The following HCN3 variants were observed in gnomAD, a reference collection of about 807,000 sequenced individuals.
The protein encoded by HCN3 is potassium/sodium hyperpolarization-activated cyclic nucleotide-gated channel 3.
HCN3 carries 36 observed loss-of-function variants against 56.8 expected under a neutral mutation model. That is an observed-to-expected ratio of 0.63 (90% CI 0.49 to 0.84). The LOEUF is 0.84. Ranked by LOEUF, HCN3 falls within the 40% of genes least tolerant of loss-of-function variation. HCN3 has a pLI of 0.00. For missense variants in HCN3, 930 were observed against 1,079.3 expected, an observed-to-expected ratio of 0.86 and a Z score of 1.94; for synonymous variants, 425 against 439.7, an observed-to-expected ratio of 0.97 and a Z score of 0.42.
In HCN3 at chr1:155,288,010, G is replaced by C. The variant is rs1674365820; in HGVS notation, c.1872G>C (p.Leu624=). The change falls in exon 8 of 8, where the codon CTG becomes CTC. Residue 624 remains leucine, a synonymous_variant. Transcript: ENST00000368358. This position sits in a 1 kb window ranked among gnomAD's most constrained non-coding sequence, Gnocchi z 6.5. ...TGACCTCCAATGTGGCCATTGCCCT[G>C]ACTCATCAGCGGGGCCCTCTGCCCC... The part of the protein sequence containing the change: ...AAVTSNVAIA[L]THQRGPLPLS... The C allele has an allele frequency of 6.2e-7, 1 of 1,613,908 alleles. No homozygotes were observed. The highest frequency in any genetic ancestry group is 1.3e-5 in the African/African-American group (1 of 74,892).
intron 7 of HCN3, 65 bp downstream of exon 7, chr1:155,287,402 G>A: frequency 6.3e-7 from 1 of 1,588,156 alleles, no homozygotes; most frequent in Non-Finnish European, 8.6e-7. Context: ...TCCAAAGCAA[G>A]GAGCCCAGGC....
rs370942048 is a variant in HCN3, at chr1:155,287,350, C to T, written c.1642+13C>T. 3 of 1,613,416 alleles carry T rather than the reference C, an allele frequency of 1.9e-6. No individual in the cohort carries two copies. The highest frequency in any genetic ancestry group is 1.3e-5 in the African/African-American group (1 of 74,992). ...CTGCTCCGCATCGGTGAGACCTGTC[C>T]ACCCCATCTGCTCTGGGTCCAGACT... On this transcript the variant is annotated intron_variant, in intron 7 of 7. Coordinates refer to ENST00000368358, the MANE Select transcript of HCN3 (RefSeq NM_020897.3).
chr1:155,286,115 G>A (rs11264353), intron 6 of HCN3, 151 bp downstream of exon 6: 5 of 1,119,286 alleles, frequency 4.5e-6, no homozygotes, highest in Non-Finnish European at 6.3e-6. Context: ...TCTGGGCTGG[G>A]GTCTGGAGCT....
Position 155,282,867 on chromosome 1 carries a change from C to A in HCN3, c.708+27C>A. 9.9e-7 allele frequency: 1 copy of A among 1,011,172 alleles called. No homozygotes were observed. The highest frequency in any genetic ancestry group is 1.3e-6 in the Non-Finnish European group (1 of 788,384). 62.6% of individuals were successfully genotyped at this position (1,011,172 alleles called of 1,614,324 possible). A position where few individuals can be genotyped will look rare whatever the true frequency, so the allele number is the denominator to read the frequency against. ...TGGGGTGGGGAGATGGCGGGCGGGGCAGTGGGTGGGGGATGTTGGGGGAGA... is the reference window on the plus strand; with the variant it reads ...TGGGGTGGGGAGATGGCGGGCGGGGAAGTGGGTGGGGGATGTTGGGGGAGA... On this transcript the variant is annotated intron_variant, in intron 2 of 7. Coordinates refer to ENST00000368358, the MANE Select transcript of HCN3 (RefSeq NM_020897.3). This position sits in a 1 kb window ranked among gnomAD's most constrained non-coding sequence, Gnocchi z 4.7.
intron 1 of HCN3, 74 bp downstream of exon 1, chr1:155,277,942 C>T (rs904783257): frequency 3.3e-6 from 5 of 1,516,914 alleles, no homozygotes; most frequent in East Asian, 2.4e-5. Context: ...GGACCCGGCC[C>T]GCCCCACCCT....
Position 155,288,055 on chromosome 1 carries a change from C to T in HCN3, c.1917C>T (p.Ala639=). 6.2e-7 allele frequency: 1 copy of T among 1,613,620 alleles called. No individual in the cohort carries two copies. The change falls in exon 8 of 8, where the codon GCC becomes GCT. Residue 639 remains alanine, a synonymous_variant. Transcript: ENST00000368358. The surrounding 1 kb of genome is among the most constrained non-coding windows in gnomAD (Gnocchi z 6.5). The part of the protein sequence containing the change: ...GPLPLSPDSP[A]TLLARSAWRS... ...TGCCCCTCTCCCCTGACTCTCCAGC[C>T]ACCCTCCTTGCTCGCTCTGCTTGGC... is the stretch of plus-strand genomic sequence containing the variant.
Position 155,285,797 on chromosome 1 carries a change from T to G in HCN3, c.1310T>G (p.Val437Gly), listed in dbSNP as rs1308889940. Reference protein sequence around the residue: ...PLFAHADPSFVTAVLTKLRFE... With the variant: ...PLFAHADPSFGTAVLTKLRFE... Reference sequence around the variant, plus strand: ...TTTGCCCATGCCGACCCCAGCTTCGTCACTGCAGTTCTCACCAAGCTGCGC... The same window carrying G: ...TTTGCCCATGCCGACCCCAGCTTCGGCACTGCAGTTCTCACCAAGCTGCGC... The change falls in exon 6 of 8, where the codon GTC becomes GGC. Residue 437 changes from valine (V) to glycine (G), a missense_variant. Physicochemically the swap from Val to Gly is moderately radical, Grantham distance 109. Coordinates refer to ENST00000368358, the MANE Select transcript of HCN3 (RefSeq NM_020897.3). This position sits in a 1 kb window ranked among gnomAD's most constrained non-coding sequence, Gnocchi z 4.5. 1.9e-6 allele frequency: 3 copies of G among 1,614,140 alleles called. No individual in the cohort carries two copies. The highest frequency in any genetic ancestry group is 2.5e-6 in the Non-Finnish European group (3 of 1,180,006).
intron 2 of HCN3, among the ~76,000 whole-genome samples, chr1:155,283,551 C>G (rs1674158148): frequency 8.7e-6 from 1 of 115,196 alleles, no homozygotes; most frequent in Non-Finnish European, 1.7e-5. Context: ...TGCTATCCCT[C>G]CCCCCTCCCC....
Position 155,282,871 on chromosome 1 carries a change from G to T in HCN3, c.708+31G>T. ...GTGGGGAGATGGCGGGCGGGGCAGT[G>T]GGTGGGGGATGTTGGGGGAGAAGGG... On this transcript the variant is annotated intron_variant, in intron 2 of 7. Transcript: ENST00000368358. This position sits in a 1 kb window ranked among gnomAD's most constrained non-coding sequence, Gnocchi z 4.7. 1 of 1,533,820 alleles carries T rather than the reference G, an allele frequency of 6.5e-7. No individual in the cohort carries two copies.
chr1:155,288,576 G>A lies in HCN3; in HGVS notation c.*113G>A, dbSNP rs1674400960. ...TGAAACATTGCCCCATGGAAATGTC[G>A]ACCCTGTGCGGACATTCCGCATACT... On this transcript the variant is annotated 3_prime_UTR_variant, in exon 8 of 8. Transcript: ENST00000368358. This position sits in a 1 kb window ranked among gnomAD's most constrained non-coding sequence, Gnocchi z 6.5. 2.2e-6 allele frequency: 3 copies of A among 1,353,296 alleles called. No individual in the cohort carries two copies. The highest frequency in any genetic ancestry group is 3.0e-6 in the Non-Finnish European group (3 of 997,424). The allele number at this position is 1,353,296 out of a possible 1,614,324, so 83.8% of individuals were successfully genotyped here.
At chr1:155,278,200 C>G (rs1408577191) in intron 1 of HCN3, among the ~76,000 whole-genome samples, 1 of 152,210 alleles carries the variant, frequency 6.6e-6, no homozygotes, top group African/African-American at 2.4e-5. Context: ...CTGCCTCCTC[C>G]AGTCCTGCTT....
rs1036618584 is a variant in HCN3, at chr1:155,287,922, A to C, written c.1784A>C (p.Gln595Pro). 5.6e-6 allele frequency: 9 copies of C among 1,613,878 alleles called. No individual in the cohort carries two copies. In the African/African-American group the frequency reaches 1.1e-4, roughly 19 times the overall value. ...VRGRAPSTGA[Q>P]LSGKPVLWEP... ...GGTCGGGCCCCGAGCACAGGAGCTCAGCTTAGTGGAAAGCCAGTACTGTGG... is the reference window on the plus strand; with the variant it reads ...GGTCGGGCCCCGAGCACAGGAGCTCCGCTTAGTGGAAAGCCAGTACTGTGG... The change falls in exon 8 of 8, where the codon CAG (glutamine) becomes CCG (proline). Residue 595 changes from glutamine (Q) to proline (P), a missense_variant. Coordinates refer to ENST00000368358, the MANE Select transcript of HCN3 (RefSeq NM_020897.3).
At position 155,277,616 on chromosome 1, in the gene HCN3, C is replaced by CG; in HGVS notation, c.31dup (p.Ala11GlyfsTer33). The CG allele has an allele frequency of 3.2e-6, 5 of 1,555,734 alleles. No homozygotes were observed. The highest frequency in any genetic ancestry group is 4.3e-6 in the Non-Finnish European group (5 of 1,150,848). On this transcript the variant is annotated frameshift_variant, in exon 1 of 8. Coordinates refer to ENST00000368358, the MANE Select transcript of HCN3 (RefSeq NM_020897.3). LOFTEE classifies it high-confidence loss of function. ...ATGGAGGCAGAGCAGCGGCCGGCGG[C>CG]GGGGGCCAGCGAAGGGGCGACCCCT...
Position 155,284,452 on chromosome 1 carries a change from A to G in HCN3, c.871-87A>G. The G allele has an allele frequency of 1.4e-6, 2 of 1,388,228 alleles. No individual in the cohort carries two copies. Among genetic ancestry groups the G allele is most frequent in the South Asian group, 2.7e-5 (2 of 73,904 alleles). 86.0% of individuals were successfully genotyped at this position (1,388,228 alleles called of 1,614,324 possible). A position where few individuals can be genotyped will look rare whatever the true frequency, so the allele number is the denominator to read the frequency against. On this transcript the variant is annotated intron_variant, in intron 3 of 7. Transcript: ENST00000368358. The surrounding 1 kb of genome is among the most constrained non-coding windows in gnomAD (Gnocchi z 4.3). ...AAGGCCTGCAGTAGAAGGGGCAGACAGAAAGACCAAAGAAGGAAAAGGGGC... is the reference window on the plus strand; with the variant it reads ...AAGGCCTGCAGTAGAAGGGGCAGACGGAAAGACCAAAGAAGGAAAAGGGGC...
At position 155,288,112 on chromosome 1, in the gene HCN3, G is replaced by T. The variant is rs762684203; in HGVS notation, c.1974G>T (p.Val658=). Residue 658 remains valine, a synonymous_variant, in exon 8 of 8, where the codon GTG becomes GTT. Transcript: ENST00000368358. The surrounding 1 kb of genome is among the most constrained non-coding windows in gnomAD (Gnocchi z 6.5). ...RSAGSPASPL[V]PVRAGPWAST... is the part of the protein sequence containing the mutation. ...CAGGCTCTCCAGCTTCCCCGCTGGT[G>T]CCCGTCCGAGCTGGCCCATGGGCAT... is the stretch of plus-strand genomic sequence containing the variant. 2.5e-6 allele frequency: 4 copies of T among 1,603,856 alleles called. No homozygotes were observed. Among genetic ancestry groups the T allele is most frequent in the African/African-American group, 2.7e-5 (2 of 74,562 alleles).
chr1:155,283,696 ATTTG>A (rs969056394), intron 2 of HCN3, among the ~76,000 whole-genome samples: 22 of 151,838 alleles, frequency 1.4e-4, no homozygotes, highest in African/African-American at 5.3e-4. Context: ...TGTGCAATAG[ATTTG>A]TTTGATTCTC....
rs901760479 is a variant in HCN3, at chr1:155,282,184, G to A, written c.279-227G>A. ...TTTTCCTTGGATGTGTCTATACGTA[G>A]GAATGGGATTGCTGAGTTGCAGGGA... On this transcript the variant is annotated intron_variant, in intron 1 of 7. Transcript: ENST00000368358. The surrounding 1 kb of genome is among the most constrained non-coding windows in gnomAD (Gnocchi z 4.7). 6.6e-6 allele frequency among the ~76,000 whole-genome samples: 1 copy of A among 152,150 alleles called. No individual in the cohort carries two copies. Among genetic ancestry groups the A allele is most frequent in the African/African-American group, 2.4e-5 (1 of 41,424 alleles).
rs139768739 is a variant in HCN3 at position 155,287,805 on chromosome 1, G to A, written c.1667G>A (p.Arg556Gln). ...RIGKKNSILQ[R>Q]KRSEPSPGSS... is the part of the protein sequence containing the mutation. ...GGCAAGAAGAATTCCATACTGCAGCGGAAGCGCTCCGAGCCAAGTCCAGGC... is the reference window on the plus strand; with the variant it reads ...GGCAAGAAGAATTCCATACTGCAGCAGAAGCGCTCCGAGCCAAGTCCAGGC... Residue 556 changes from arginine (R) to glutamine (Q), a missense_variant, in exon 8 of 8, where the codon CGG becomes CAG. Arg to Gln is a conservative substitution (Grantham distance 43, BLOSUM62 1). Transcript: ENST00000368358. The A allele has an allele frequency of 1.7e-4, 276 of 1,598,234 alleles. No homozygotes were observed. The highest frequency in any genetic ancestry group is 3.6e-4 in the Admixed American group (21 of 58,724).
At chr1:155,279,351 T>C (rs1232945399) in intron 1 of HCN3, among the ~76,000 whole-genome samples, 3 of 152,192 alleles carry the variant, frequency 2.0e-5, no homozygotes, top group African/African-American at 7.2e-5. Flanking sequence ...CACTCACCCC[T>C]GCCCATGCCT....
Sources: gnomAD v4.1 joint callset for allele counts (sites outside exome capture counted in the v4.1 genomes callset) on GRCh38, gnomAD v4.1.1 for gene constraint, Gnocchi (gnomAD v3.1) non-coding constraint, MANE v1.5 for transcripts, NCBI Gene and HGNC (gene_info 2026-07-23, HGNC 2026-07-21) for gene names.